The following NEIL2 variants were observed in gnomAD, a reference collection of about 807,000 sequenced individuals.
The protein encoded by NEIL2 is endonuclease 8-like 2.
A neutral mutation model predicts 22.2 loss-of-function variants in NEIL2; 23 were observed. The ratio of observed to expected loss-of-function variants is 1.04; its 90% CI spans 0.75 to 1.47. NEIL2 has a LOEUF of 1.47. NEIL2 is among the 40% of genes most tolerant of loss of function. The pLI, the probability that NEIL2 is intolerant of heterozygous loss-of-function variation, is 0.00. For missense variants in NEIL2, 583 were observed against 404.7 expected, an observed-to-expected ratio of 1.44 and a Z score of -3.78; for synonymous variants, 229 against 164.8, an observed-to-expected ratio of 1.39 and a Z score of -2.99.
intron 2 of NEIL2, among the ~76,000 whole-genome samples, 179 bp downstream of exon 2, chr8:11,771,764 C>A (rs1803466666): frequency 6.6e-6 from 1 of 152,208 alleles, no homozygotes; most frequent in Non-Finnish European, 1.5e-5. Context: ...TCGCTGTGGA[C>A]TGTAGAACTG....
rs1803325189 is a variant in NEIL2 at position 11,770,297 on chromosome 8, C to T, written c.-41C>T. The stretch of plus-strand genomic sequence containing the variant: ...TTTCAGATGAAGGCTTTTCCAGAAG[C>T]TTCCCCGTAGAAGAGGATCAGGCAT... On this transcript the variant is annotated 5_prime_UTR_variant, in exon 1 of 5. Coordinates refer to ENST00000284503, the MANE Select transcript of NEIL2 (RefSeq NM_145043.4). The T allele has an allele frequency of 6.6e-6, 1 of 152,220 alleles. No individual in the cohort carries two copies. 9.4% of individuals were successfully genotyped at this position (152,220 alleles called of 1,614,324 possible). A position where few individuals can be genotyped will look rare whatever the true frequency, so the allele number is the denominator to read the frequency against.
intron 2 of NEIL2, among the ~76,000 whole-genome samples, chr8:11,777,049 C>G (rs1585754616): frequency 6.6e-6 from 1 of 152,308 alleles, no homozygotes; most frequent in East Asian, 1.9e-4. Flanking sequence ...CACCCTGTCT[C>G]CTCTGCCCTC....
At position 11,784,429 on chromosome 8, in the gene NEIL2, C is replaced by T. The variant is rs547008723; in HGVS notation, c.688+1030C>T. 2.0e-5 allele frequency among the ~76,000 whole-genome samples: 3 copies of T among 152,324 alleles called. No homozygotes were observed. The East Asian group carries it at 5.8e-4, about 29-fold the overall frequency. On this transcript the variant is annotated intron_variant, in intron 4 of 4. Coordinates refer to ENST00000284503, the MANE Select transcript of NEIL2 (RefSeq NM_145043.4). ...TTTTCCCTTCCTTCAGATGAGGAAA[C>T]TGAAGCAGAGAACACATCGCTAGTA...
At chr8:11,778,874 C>A (rs1408918574) in intron 2 of NEIL2, among the ~76,000 whole-genome samples, 1 of 137,288 alleles carries the variant, frequency 7.3e-6, no homozygotes, top group African/African-American at 2.6e-5. Flanking sequence ...ATCACTTGAA[C>A]CCAGGAGATG....
chr8:11,773,028 G>A (rs556355535), intron 2 of NEIL2, among the ~76,000 whole-genome samples: 2 of 152,238 alleles, frequency 1.3e-5, no homozygotes, highest in South Asian at 2.1e-4. Context: ...ACTGAGGCTC[G>A]GAGAAGGGAG....
At position 11,786,415 on chromosome 8, in the gene NEIL2, G is replaced by C. The variant is rs1380987245; in HGVS notation, c.*142G>C. On this transcript the variant is annotated 3_prime_UTR_variant, in exon 5 of 5. Transcript: ENST00000284503. ...CAGTAGTATAATATTCGTCTCCCTG[G>C]AGTTATGTTGAAGGCAGAGTTTTCA... The C allele has an allele frequency of 1.8e-5, 14 of 784,654 alleles. No homozygotes were observed. Among genetic ancestry groups the C allele is most frequent in the Non-Finnish European group, 2.8e-5 (13 of 461,402 alleles). 48.6% of individuals were successfully genotyped at this position (784,654 alleles called of 1,614,324 possible). A position where few individuals can be genotyped will look rare whatever the true frequency, so the allele number is the denominator to read the frequency against.
At chr8:11,782,850 G>A in intron 3 of NEIL2, 1 of 363,540 alleles carries the variant, frequency 2.8e-6, no homozygotes, top group Non-Finnish European at 5.3e-6. Flanking sequence ...AACGATGTGG[G>A]GATGTGTGTA....
chr8:11,775,544 A>C (rs1803840457), intron 2 of NEIL2, among the ~76,000 whole-genome samples: 1 of 151,878 alleles, frequency 6.6e-6, no homozygotes, highest in South Asian at 2.1e-4. Flanking sequence ...TTAGCATTTG[A>C]CTCCTAGTTA....
In NEIL2 at chr8:11,774,603, C is replaced by T. The variant is rs560989354; in HGVS notation, c.138+3018C>T. On this transcript the variant is annotated intron_variant, in intron 2 of 4. Coordinates refer to ENST00000284503, the MANE Select transcript of NEIL2 (RefSeq NM_145043.4). ...CCAACAGTCCCCAAAAGTCTTAATT[C>T]ATTTCAGCATTAATTTAATAGGCCA... Among the ~76,000 whole-genome samples the T allele has an allele frequency of 2.6e-5, 4 of 152,278 alleles. No homozygotes were observed. The South Asian group carries it at 8.3e-4, about 32-fold the overall frequency.
chr8:11,779,656 G>T lies in NEIL2; in HGVS notation c.197G>T (p.Gly66Val). 2 of 1,613,812 alleles carry T rather than the reference G, an allele frequency of 1.2e-6. No individual in the cohort carries two copies. Among genetic ancestry groups the T allele is most frequent in the African/African-American group, 2.7e-5 (2 of 75,050 alleles). Residue 66 changes from glycine (G) to valine (V), a missense_variant, in exon 3 of 5, where the codon GGC becomes GTC. Gly to Val is a moderately radical substitution (Grantham distance 109, BLOSUM62 -3). Transcript: ENST00000284503. ...CTAGATGAAGAAATGGGGCCCCCTG[G>T]CAGCAGCCCAACACCAGAGCCTCCA... ...FDLDEEMGPP[G>V]SSPTPEPPQK...
intron 4 of NEIL2, among the ~76,000 whole-genome samples, chr8:11,783,878 C>T (rs1804667555): frequency 6.6e-6 from 1 of 152,232 alleles, no homozygotes; most frequent in Non-Finnish European, 1.5e-5. Context: ...ACTCAGTCTA[C>T]ACTGGGTTCT....
chr8:11,771,387 A>C, intron 1 of NEIL2, 59 bp from the exon 2 acceptor site: 1 of 1,607,738 alleles, frequency 6.2e-7, no homozygotes, highest in South Asian at 1.1e-5. Context: ...GCACCTGTTA[A>C]AGATGCTAGA....
At chr8:11,783,480 G>A (rs547155011) in intron 4 of NEIL2, 81 bp downstream of exon 4, 15 of 1,198,524 alleles carry the variant, frequency 1.3e-5, no homozygotes, top group Admixed American at 1.2e-4. Flanking sequence ...AGACCTGAGG[G>A]CCACCCTAGT....
At chr8:11,780,372 C>T (rs1804301717) in intron 3 of NEIL2, among the ~76,000 whole-genome samples, 2 of 152,066 alleles carry the variant, frequency 1.3e-5, no homozygotes, top group Non-Finnish European at 2.9e-5. Context: ...AAGTATTCAG[C>T]TTGATGAGTT....
At chr8:11,775,770 C>G (rs1803856901) in intron 2 of NEIL2, among the ~76,000 whole-genome samples, 1 of 152,220 alleles carries the variant, frequency 6.6e-6, no homozygotes, top group South Asian at 2.1e-4. Flanking sequence ...TGCCACCAGT[C>G]TCTTAGCACA....
intron 3 of NEIL2, among the ~76,000 whole-genome samples, chr8:11,781,211 C>G (rs1359783195): frequency 6.6e-6 from 1 of 152,126 alleles, no homozygotes; most frequent in Non-Finnish European, 1.5e-5. Context: ...ATGCTATGGG[C>G]TGTAAAAATA....
chr8:11,781,967 A>G (rs1804460903), intron 3 of NEIL2, among the ~76,000 whole-genome samples: 1 of 151,802 alleles, frequency 6.6e-6, no homozygotes, highest in South Asian at 2.1e-4. Flanking sequence ...GGGAGGCTGA[A>G]GTGGGAGGGT....
intron 1 of NEIL2, 68 bp from the exon 2 acceptor site, chr8:11,771,378 C>A (rs1279394386): frequency 6.3e-7 from 1 of 1,595,538 alleles, no homozygotes; most frequent in African/African-American, 1.3e-5. Context: ...GGATGCTTGG[C>A]ACCTGTTAAA....
Position 11,779,643 on chromosome 8 carries a change from A to C in NEIL2, c.184A>C (p.Met62Leu). The C allele has an allele frequency of 6.2e-7, 1 of 1,613,746 alleles. No homozygotes were observed. The highest frequency in any genetic ancestry group is 8.5e-7 in the Non-Finnish European group (1 of 1,179,944). Residue 62 changes from methionine to leucine, a missense_variant, in exon 3 of 5, where the codon ATG (methionine) becomes CTG (leucine). Physicochemically the swap from Met to Leu is conservative, Grantham distance 15 (BLOSUM62 2). Transcript: ENST00000284503. ...LFLRFDLDEE[M>L]GPPGSSPTPE... ...CCTTAGATTTGATCTAGATGAAGAA[A>C]TGGGGCCCCCTGGCAGCAGCCCAAC...
Sources: allele counts gnomAD v4.1 joint callset (sites outside exome capture counted in the v4.1 genomes callset), GRCh38; gene constraint gnomAD v4.1.1; transcripts MANE v1.5; gene names NCBI Gene and HGNC (gene_info 2026-07-23, HGNC 2026-07-21).